Variants in TMCC1 observed in about 807,000 individuals in gnomAD.
The protein encoded by TMCC1 is transmembrane and coiled-coil domains protein 1.
In TMCC1, 15 loss-of-function variants were observed where a neutral mutation model predicts 52.4. The observed-to-expected ratio is 0.29, with a 90% CI of 0.19 to 0.44. The LOEUF is 0.44. Among genes scored for constraint, TMCC1 ranks in the 20% least tolerant of loss-of-function variants. The pLI is 1.00. For missense variants in TMCC1, 503 were observed against 806.0 expected (o/e 0.62, Z 4.55); for synonymous variants, 279 against 301.9 (o/e 0.92, Z 0.79).
chr3:129,792,329 A>C (rs2107751770), intron 4 of TMCC1, among the ~76,000 whole-genome samples: 1 of 152,080 alleles, frequency 6.6e-6, no homozygotes, highest in South Asian at 2.1e-4. Context: ...GAAAAGACAA[A>C]TAGAGGCACG....
intron 4 of TMCC1, among the ~76,000 whole-genome samples, chr3:129,671,481 A>T (rs1289895192): frequency 6.6e-6 from 1 of 152,218 alleles, no homozygotes; most frequent in Non-Finnish European, 1.5e-5. Context: ...AAAGATCTGC[A>T]CAAGATATAA....
intron 3 of TMCC1, among the ~76,000 whole-genome samples, chr3:129,829,805 C>T (rs1346435124): frequency 6.6e-6 from 1 of 152,190 alleles, no homozygotes; most frequent in Admixed American, 6.5e-5. Flanking sequence ...TCCCTGTGAA[C>T]TCAAGGCTAC....
chr3:129,723,806 T>C (rs2049849944), intron 4 of TMCC1, among the ~76,000 whole-genome samples: 1 of 152,130 alleles, frequency 6.6e-6, no homozygotes, highest in Non-Finnish European at 1.5e-5. Context: ...GATCTACTGC[T>C]GAAAAACGCT....
chr3:129,686,678 TA>T (rs1275990892), intron 4 of TMCC1, among the ~76,000 whole-genome samples: 3 of 152,118 alleles, frequency 2.0e-5, no homozygotes, highest in African/African-American at 4.8e-5. Context: ...ATAAATTGTG[TA>T]AAGTGCTACA....
intron 4 of TMCC1, among the ~76,000 whole-genome samples, chr3:129,807,490 G>C (rs541265244): frequency 7.2e-5 from 11 of 152,272 alleles, no homozygotes; most frequent in African/African-American, 2.4e-4. Flanking sequence ...GCATAGTACT[G>C]AGTCTGCTGA....
intron 2 of TMCC1, among the ~76,000 whole-genome samples, chr3:129,859,724 T>C (rs1225804965): frequency 1.3e-5 from 2 of 151,522 alleles, no homozygotes; most frequent in African/African-American, 2.4e-5. Context: ...TCTAGGAAAT[T>C]TACCTTTTGA....
At chr3:129,688,640 G>A in intron 4 of TMCC1, 5 of 985,462 alleles carry the variant, frequency 5.1e-6, no homozygotes, top group Non-Finnish European at 6.0e-6. Context: ...GGGAGCCTAG[G>A]AGAACTCTGT....
At chr3:129,789,406 G>A (rs1295881551) in intron 4 of TMCC1, among the ~76,000 whole-genome samples, 1 of 152,010 alleles carries the variant, frequency 6.6e-6, no homozygotes. Context: ...AAAGAAATCA[G>A]GTAGAAATTC....
intron 4 of TMCC1, among the ~76,000 whole-genome samples, chr3:129,789,800 T>C (rs578242992): frequency 3.9e-5 from 6 of 152,174 alleles, no homozygotes; most frequent in Admixed American, 3.3e-4. Context: ...TAATTTTCTT[T>C]TATTGATAAC....
chr3:129,857,737 A>ATT (rs11436644), intron 2 of TMCC1, among the ~76,000 whole-genome samples: 3 of 151,362 alleles, frequency 2.0e-5, no homozygotes, highest in African/African-American at 4.9e-5. Flanking sequence ...AATTTTTTGT[A>ATT]TTTTTTTAGT....
intron 4 of TMCC1, among the ~76,000 whole-genome samples, chr3:129,759,232 C>T (rs566089205): frequency 6.6e-6 from 1 of 152,018 alleles, no homozygotes; most frequent in African/African-American, 2.4e-5. Flanking sequence ...TACATATCAA[C>T]CACTACTTTA....
chr3:129,806,517 G>A (rs2057473944), intron 4 of TMCC1, among the ~76,000 whole-genome samples: 1 of 152,152 alleles, frequency 6.6e-6, no homozygotes, highest in Non-Finnish European at 1.5e-5. Context: ...TAACTGAAGG[G>A]CCTTGCAATA....
intron 4 of TMCC1, among the ~76,000 whole-genome samples, chr3:129,714,025 A>G (rs1009800788): frequency 2.0e-4 from 31 of 151,642 alleles, no homozygotes; most frequent in East Asian, 3.9e-4. Flanking sequence ...GTTTCTAGGG[A>G]AAAAAAAACT....
chr3:129,813,011 G>A (rs746143218), intron 4 of TMCC1, among the ~76,000 whole-genome samples: 5 of 152,008 alleles, frequency 3.3e-5, no homozygotes, highest in African/African-American at 7.2e-5. Flanking sequence ...CGACATGAAC[G>A]AACACTTTTC....
Position 129,671,264 on chromosome 3 carries a change from T to A in TMCC1, c.577A>T (p.Ile193Phe). The A allele has an allele frequency of 6.2e-7, 1 of 1,604,146 alleles. No individual in the cohort carries two copies. The highest frequency in any genetic ancestry group is 8.5e-7 in the Non-Finnish European group (1 of 1,174,226). ...AGGCTGCTTACTTCCAACCGTTCGA[T>A]CTAGTGTAAAAACAAGAGGTACATG... ...LPGEEGTAER[I>F]ERLEVSSLAQ... The change falls in exon 5 of 7, where the codon ATC becomes TTC. Residue 193 changes from isoleucine to phenylalanine, a missense_variant and splice_region_variant. Ile to Phe is a conservative substitution (Grantham distance 21). This residue lies in a region of TMCC1 where 217 missense variants were observed against 297.9 expected (regional missense o/e 0.73). Transcript: ENST00000393238.
chr3:129,783,135 G>C (rs1389108907), intron 4 of TMCC1, among the ~76,000 whole-genome samples: 1 of 152,174 alleles, frequency 6.6e-6, no homozygotes, highest in East Asian at 1.9e-4. Flanking sequence ...CCCAGGGACA[G>C]CTCAAGTATT....
intron 4 of TMCC1, among the ~76,000 whole-genome samples, chr3:129,745,438 G>A (rs1389650756): frequency 6.6e-6 from 1 of 152,212 alleles, no homozygotes; most frequent in Non-Finnish European, 1.5e-5. Context: ...ATTTCTCTAA[G>A]CCTACTTGTT....
At chr3:129,754,597 G>A (rs1196304775) in intron 4 of TMCC1, among the ~76,000 whole-genome samples, 2 of 152,114 alleles carry the variant, frequency 1.3e-5, no homozygotes, top group Non-Finnish European at 2.9e-5. Context: ...AAGGTGCAAA[G>A]GTAATTCAAT....
At chr3:129,682,869 C>T (rs1294005449) in intron 4 of TMCC1, among the ~76,000 whole-genome samples, 1 of 151,844 alleles carries the variant, frequency 6.6e-6, no homozygotes, top group African/African-American at 2.4e-5. Flanking sequence ...GAGTTTCGCT[C>T]TTGTTGCCTA....
Sources: gnomAD v4.1 joint callset for allele counts (sites outside exome capture counted in the v4.1 genomes callset) on GRCh38, gnomAD v4.1.1 for gene constraint, gnomAD v4.1.1 regional missense constraint, MANE v1.5 for transcripts, NCBI Gene and HGNC (gene_info 2026-07-23, HGNC 2026-07-21) for gene names.